CTNND2: variants seen among roughly 807,000 people sequenced by gnomAD.
The protein encoded by CTNND2 is catenin delta 2.
Under a neutral mutation model 144.4 loss-of-function variants are expected in CTNND2, and 22 were observed. The observed-to-expected ratio is 0.15, with a 90% confidence interval of 0.11 to 0.22. The LOEUF (loss-of-function observed/expected upper bound fraction) is 0.22, where lower values mean the gene tolerates loss of function less well. Ranked by LOEUF, CTNND2 falls within the 10% of genes least tolerant of loss-of-function variation. The probability of loss-of-function intolerance (pLI) is 1.00; values close to 1 mark genes in which losing one functional copy is unlikely to be tolerated. For missense variants in CTNND2, 1,353 were observed against 1,618.8 expected (o/e 0.84, Z 2.82); for synonymous variants, 751 against 695.6 (o/e 1.08, Z -1.25).
intron 3 of CTNND2, among the ~76,000 whole-genome samples, chr5:11,541,620 G>A (rs1774740717): frequency 6.6e-6 from 1 of 152,004 alleles, no homozygotes; most frequent in Non-Finnish European, 1.5e-5. Context: ...TTCTGTACAG[G>A]GCTATAGACA....
At chr5:11,596,134 A>G (rs536836941) in intron 2 of CTNND2, among the ~76,000 whole-genome samples, 10 of 152,326 alleles carry the variant, frequency 6.6e-5, no homozygotes, top group African/African-American at 2.4e-4. Context: ...ACCAGATGGA[A>G]AGCATCTATC....
intron 9 of CTNND2, among the ~76,000 whole-genome samples, chr5:11,255,140 C>T (rs927836519): frequency 2.0e-5 from 3 of 152,072 alleles, no homozygotes; most frequent in Non-Finnish European, 2.9e-5. Flanking sequence ...TTACAACACA[C>T]GAGACTTTAA....
chr5:11,693,973 A>G (rs1785025663), intron 2 of CTNND2, among the ~76,000 whole-genome samples: 1 of 152,206 alleles, frequency 6.6e-6, no homozygotes, highest in Non-Finnish European at 1.5e-5. Flanking sequence ...TGATTCATGA[A>G]TATTTAATTC....
At chr5:11,153,711 C>A (rs535925503) in intron 12 of CTNND2, among the ~76,000 whole-genome samples, 1 of 151,554 alleles carries the variant, frequency 6.6e-6, no homozygotes, top group Non-Finnish European at 1.5e-5. Context: ...CTTATGTACA[C>A]AAAGATAGAT....
At chr5:11,868,033 G>A (rs1279359487) in intron 1 of CTNND2, among the ~76,000 whole-genome samples, 2 of 151,956 alleles carry the variant, frequency 1.3e-5, no homozygotes, top group Non-Finnish European at 1.5e-5. Context: ...AGCAGGGGCA[G>A]GATAGACAGA....
At chr5:11,197,407 C>T (rs1021491138) in intron 11 of CTNND2, among the ~76,000 whole-genome samples, 22 of 152,268 alleles carry the variant, frequency 1.4e-4, no homozygotes, top group African/African-American at 5.1e-4. Context: ...AGACAGAGAG[C>T]CTCAAACCCC....
intron 2 of CTNND2, among the ~76,000 whole-genome samples, chr5:11,567,722 C>G (rs1777234799): frequency 6.6e-6 from 1 of 152,012 alleles, no homozygotes; most frequent in Non-Finnish European, 1.5e-5. Context: ...CTTTATTTAA[C>G]TTTTTGCACA....
chr5:11,854,385 C>T (rs992214651), intron 1 of CTNND2, among the ~76,000 whole-genome samples: 1 of 152,152 alleles, frequency 6.6e-6, no homozygotes, highest in Non-Finnish European at 1.5e-5. Context: ...TGTTTATTGT[C>T]ACCCTCCCAA....
At chr5:11,290,229 A>C (rs144409671) in intron 9 of CTNND2, among the ~76,000 whole-genome samples, 29 of 152,310 alleles carry the variant, frequency 1.9e-4, no homozygotes, top group African/African-American at 6.7e-4. Flanking sequence ...ATAAGTCTCT[A>C]AGTAATTTAA....
chr5:11,164,457 T>G (rs928214073), intron 11 of CTNND2, among the ~76,000 whole-genome samples: 1 of 152,190 alleles, frequency 6.6e-6, no homozygotes. Flanking sequence ...ATTCATTCAT[T>G]TATCCATTCC....
In CTNND2 at chr5:11,029,091, G is replaced by C. The variant is rs184024689; in HGVS notation, c.2789-6112C>G. 1.7e-3 allele frequency among the ~76,000 whole-genome samples: 264 copies of C among 152,282 alleles called. 4 individuals carry two copies. The highest frequency in any genetic ancestry group is 3.4e-3 in the Middle Eastern group (1 of 294). ...TATTCTTCTGTTGACGAAAAATTGGGTTGATACTTCATTTTCACTCTTGAG... is the reference window on the plus strand; with the variant it reads ...TATTCTTCTGTTGACGAAAAATTGGCTTGATACTTCATTTTCACTCTTGAG... On this transcript the variant is annotated intron_variant, in intron 16 of 21. Transcript: ENST00000304623.
At chr5:11,313,122 C>T (rs7726852) in intron 9 of CTNND2, among the ~76,000 whole-genome samples, 1,591 of 152,286 alleles carry the variant, frequency 0.01, 22 homozygotes, top group African/African-American at 0.035. Context: ...CACTTTCCCT[C>T]AACCCCTTCA....
intron 1 of CTNND2, among the ~76,000 whole-genome samples, chr5:11,804,735 C>T (rs1791897792): frequency 6.6e-6 from 1 of 152,092 alleles, no homozygotes; most frequent in Non-Finnish European, 1.5e-5. Flanking sequence ...AGGTGAAACA[C>T]AGGGCAATTT....
intron 16 of CTNND2, among the ~76,000 whole-genome samples, chr5:11,030,640 T>C (rs1428511151): frequency 6.6e-6 from 1 of 152,070 alleles, no homozygotes; most frequent in Non-Finnish European, 1.5e-5. Context: ...TCACACATCA[T>C]GTTCTTGACT....
At chr5:11,276,541 T>C (rs1450600788) in intron 9 of CTNND2, among the ~76,000 whole-genome samples, 1 of 152,180 alleles carries the variant, frequency 6.6e-6, no homozygotes, top group East Asian at 1.9e-4. Flanking sequence ...TCCCATGGTA[T>C]TCCCATCCAG....
chr5:11,205,861 T>C (rs974618661), intron 10 of CTNND2, among the ~76,000 whole-genome samples: 7 of 152,310 alleles, frequency 4.6e-5, no homozygotes, highest in African/African-American at 1.7e-4. Context: ...AGAAAGCACA[T>C]TGCAGTGACT....
At chr5:11,615,230 T>C (rs1179555362) in intron 2 of CTNND2, among the ~76,000 whole-genome samples, 1 of 152,178 alleles carries the variant, frequency 6.6e-6, no homozygotes, top group East Asian at 1.9e-4. Flanking sequence ...GAAATCACCA[T>C]TACCTTTAAT....
chr5:11,385,102 G>A lies in CTNND2; in HGVS notation c.740C>T (p.Ala247Val), dbSNP rs527858821. ...GGAGTAGTAGAGCGCGGCGGCGGCG[G>A]CGGCGGGCGGCGCGTCGGGCAGGTG... ...AFHLPDAPPA[A>V]AAAALYYSSS... The change falls in exon 7 of 22, where the codon GCC (alanine) becomes GTC (valine). Residue 247 changes from alanine to valine, a missense_variant. Ala to Val is a moderately conservative substitution (Grantham distance 64). Transcript: ENST00000304623. The A allele has an allele frequency of 5.9e-5, 61 of 1,032,490 alleles. No homozygotes were observed. The African/African-American group carries it at 1.0e-3, about 17-fold the overall frequency. The allele number at this position is 1,032,490 out of a possible 1,614,324, so 64.0% of individuals were successfully genotyped here. A position where few individuals can be genotyped will look rare whatever the true frequency, so the allele number is the denominator to read the frequency against.
chr5:11,818,058 T>C (rs1793104508), intron 1 of CTNND2, among the ~76,000 whole-genome samples: 1 of 139,666 alleles, frequency 7.2e-6, no homozygotes, highest in African/African-American at 2.7e-5. Flanking sequence ...TTTCAGAGCA[T>C]AGAAGTGACG....
Sources: allele counts gnomAD v4.1 joint callset (sites outside exome capture counted in the v4.1 genomes callset), GRCh38; gene constraint gnomAD v4.1.1; transcripts MANE v1.5; gene names NCBI Gene and HGNC (gene_info 2026-07-23, HGNC 2026-07-21).